Variants in DNAH3 observed in about 807,000 individuals in gnomAD.
The protein encoded by DNAH3 is dynein axonemal heavy chain 3.
In DNAH3, 332 loss-of-function variants were observed where a neutral mutation model predicts 432.5. The ratio of observed to expected loss-of-function variants is 0.77; its 90% CI spans 0.70 to 0.84. The LOEUF (loss-of-function observed/expected upper bound fraction) is 0.84, where lower values mean the gene tolerates loss of function less well. Ranked by LOEUF, DNAH3 falls within the 40% of genes least tolerant of loss-of-function variation. The pLI is 0.00. For synonymous variants in DNAH3, 1,956 were observed against 1,900.2 expected, an observed-to-expected ratio of 1.03 and a Z score of -0.76; for missense variants, 4,861 against 5,114.0, an observed-to-expected ratio of 0.95 and a Z score of 1.51.
intron 42 of DNAH3, among the ~76,000 whole-genome samples, 154 bp downstream of exon 42, chr16:21,002,950 C>T (rs575484600): frequency 6.6e-6 from 1 of 152,174 alleles, no homozygotes; most frequent in East Asian, 1.9e-4. Flanking sequence ...ATTCTAAAGC[C>T]CATGTTTTTG....
At chr16:21,144,214 T>G (rs1196114900) in intron 3 of DNAH3, among the ~76,000 whole-genome samples, 1 of 152,056 alleles carries the variant, frequency 6.6e-6, no homozygotes, top group Non-Finnish European at 1.5e-5. Context: ...CCTCTCCCCT[T>G]GAGTATGGGC....
At chr16:21,027,637 C>A (rs1165791600) in intron 37 of DNAH3, among the ~76,000 whole-genome samples, 1 of 152,092 alleles carries the variant, frequency 6.6e-6, no homozygotes, top group Non-Finnish European at 1.5e-5. Context: ...GTCAGGAGTT[C>A]AAGACCAGCA....
intron 32 of DNAH3, 35 bp from the exon 33 acceptor site, chr16:21,039,978 G>A (rs752309227): frequency 1.8e-5 from 27 of 1,537,960 alleles, no homozygotes; most frequent in African/African-American, 4.1e-5. Flanking sequence ...ATCGGAACAC[G>A]TGCAGTGAAT....
At chr16:20,934,585 C>T (rs973274788) in intron 61 of DNAH3, among the ~76,000 whole-genome samples, 2 of 152,102 alleles carry the variant, frequency 1.3e-5, no homozygotes, top group Admixed American at 6.6e-5. Flanking sequence ...TGTATGGGTA[C>T]TCAAGGTGTG....
chr16:20,953,163 GTT>G (rs71149202), intron 55 of DNAH3, among the ~76,000 whole-genome samples: 1 of 143,760 alleles, frequency 7.0e-6, no homozygotes, highest in African/African-American at 2.5e-5. Flanking sequence ...TTTGTTTGTT[GTT>G]TTTTTTTTTT....
exon 62 of DNAH3, chr16:20,933,269 A>G (rs763349477): frequency 6.2e-7 from 1 of 1,614,130 alleles, no homozygotes; most frequent in Non-Finnish European, 8.5e-7. Context: ...TGTGGTGGAG[A>G]GGGTTCCTCT....
At chr16:21,110,828 G>A (rs746864899) in intron 14 of DNAH3, among the ~76,000 whole-genome samples, 2 of 152,020 alleles carry the variant, frequency 1.3e-5, no homozygotes, top group Non-Finnish European at 2.9e-5. Flanking sequence ...CTATGATCGC[G>A]CCACTACTGC....
At chr16:21,059,730 G>A (rs1269525293) in intron 26 of DNAH3, among the ~76,000 whole-genome samples, 1 of 150,042 alleles carries the variant, frequency 6.7e-6, no homozygotes, top group Non-Finnish European at 1.5e-5. Context: ...AGCCAAGATC[G>A]TACCACTGCA....
In DNAH3 at chr16:21,075,589, A is replaced by G. The variant is rs530264338; in HGVS notation, c.2970-28T>C. 3 of 1,536,818 alleles carry G rather than the reference A, an allele frequency of 2.0e-6. No individual in the cohort carries two copies. In the East Asian group the frequency reaches 6.7e-5, roughly 35 times the overall value. ...AAAGAGAGAACACAGCAACAGCAAC[A>G]TCAACAGGAGGCAGAGAAGACACAT... On this transcript the variant is annotated intron_variant, in intron 20 of 61. Transcript: ENST00000261383.
chr16:21,092,698 CAAAAAAAAAAAA>C (rs61277332), intron 18 of DNAH3, among the ~76,000 whole-genome samples: 217 of 11,542 alleles, frequency 0.019, 5 homozygotes, highest in African/African-American at 0.065. Context: ...AAAATATTTG[CAAAAAAAAAAAA>C]AAAAAAAAAA....
chr16:21,076,000 G>T (rs575156319), intron 20 of DNAH3, among the ~76,000 whole-genome samples: 1 of 149,786 alleles, frequency 6.7e-6, no homozygotes, highest in African/African-American at 2.5e-5. Flanking sequence ...TGACCAAAAG[G>T]TTTACTATCC....
At chr16:20,963,566 C>T in exon 53 of DNAH3, 2 of 1,614,046 alleles carry the variant, frequency 1.2e-6, no homozygotes, top group Non-Finnish European at 1.7e-6. Context: ...AGGTTCTGTT[C>T]CAAATGCTCC....
intron 44 of DNAH3, among the ~76,000 whole-genome samples, chr16:20,989,968 A>G (rs1597077268): frequency 6.6e-6 from 1 of 152,138 alleles, no homozygotes; most frequent in Non-Finnish European, 1.5e-5. Context: ...CCCACCCGGA[A>G]CTCCAGCTGG....
At chr16:21,046,957 A>G (rs1172356171) in intron 31 of DNAH3, among the ~76,000 whole-genome samples, 1 of 151,312 alleles carries the variant, frequency 6.6e-6, no homozygotes, top group Non-Finnish European at 1.5e-5. Flanking sequence ...CTGGATATGA[A>G]ATTCTGGGTT....
chr16:20,965,490 GTGGT>G, intron 52 of DNAH3, 65 bp from the exon 53 acceptor site: 5 of 1,356,770 alleles, frequency 3.7e-6, no homozygotes, highest in Non-Finnish European at 4.9e-6. Context: ...AAATTCTGCA[GTGGT>G]TACTGCTGGT....
intron 1 of DNAH3, among the ~76,000 whole-genome samples, chr16:21,151,421 C>A (rs1567882714): frequency 6.6e-6 from 1 of 150,958 alleles, no homozygotes; most frequent in Non-Finnish European, 1.5e-5. Context: ...CCCGGGTTCA[C>A]ACCATTCTCC....
intron 20 of DNAH3, among the ~76,000 whole-genome samples, 155 bp from the exon 21 acceptor site, chr16:21,075,716 C>T (rs906884263): frequency 1.3e-5 from 2 of 151,768 alleles, no homozygotes; most frequent in Non-Finnish European, 2.9e-5. Flanking sequence ...AGTTCGAGAC[C>T]AGCCTGGGCA....
rs147822128 is a variant in DNAH3 at position 21,007,410 on chromosome 16, G to A, written c.6023-4203C>T. On this transcript the variant is annotated intron_variant, in intron 41 of 61. Transcript: ENST00000261383. ...GTATTTTTTGTAGAGATGGGGTTTC[G>A]CCATGTTGCCCAGGCTGGTCTCAAA... Among the ~76,000 whole-genome samples the A allele has an allele frequency of 1.7e-3, 255 of 151,878 alleles. 1 individual carries two copies. The highest frequency in any genetic ancestry group is 5.4e-3 in the African/African-American group (222 of 41,446).
rs1025281273 is a variant in DNAH3, at chr16:21,123,861, C to T, written c.1404+1314G>A. Among the ~76,000 whole-genome samples the T allele has an allele frequency of 4.6e-5, 7 of 151,998 alleles. No individual in the cohort carries two copies. The East Asian group carries it at 1.4e-3, about 29-fold the overall frequency. On this transcript the variant is annotated intron_variant, in intron 9 of 61. Transcript: ENST00000261383. Reference sequence around the variant, plus strand: ...CTGGAGCCAGGCAGTGGCGTGATCTCGGCTCACTGCAACCTCTGCCTCCTG... The same window carrying T: ...CTGGAGCCAGGCAGTGGCGTGATCTTGGCTCACTGCAACCTCTGCCTCCTG...
Sources: gnomAD v4.1 joint callset for allele counts (sites outside exome capture counted in the v4.1 genomes callset) on GRCh38, gnomAD v4.1.1 for gene constraint, MANE v1.5 for transcripts, NCBI Gene and HGNC (gene_info 2026-07-23, HGNC 2026-07-21) for gene names.